CA5A: variants seen among roughly 807,000 people sequenced by gnomAD.
CA5A encodes the protein carbonic anhydrase 5A.
Under a neutral mutation model 37.1 loss-of-function variants are expected in CA5A, and 28 were observed. The ratio of observed to expected loss-of-function variants is 0.75; its 90% confidence interval spans 0.56 to 1.03. CA5A has a LOEUF of 1.03. Among genes scored for constraint, CA5A ranks in the 50% least tolerant of loss-of-function variants. CA5A has a pLI of 0.00. For synonymous variants in CA5A, 171 were observed against 158.4 expected (o/e 1.08, Z -0.60); for missense variants, 444 against 399.9 (o/e 1.11, Z -0.94).
chr16:87,893,068 T>C, intron 5 of CA5A: 1 of 1,017,000 alleles, frequency 9.8e-7, no homozygotes, highest in Non-Finnish European at 1.5e-6. Context: ...ATGCAGTCTC[T>C]CAAGCCCCGA....
intron 2 of CA5A, among the ~76,000 whole-genome samples, chr16:87,916,081 T>A (rs1488709452): frequency 6.8e-6 from 1 of 147,946 alleles, no homozygotes; most frequent in Non-Finnish European, 1.5e-5. Context: ...GGCAGGAGAA[T>A]GGCGTGAACC....
chr16:87,930,016 A>G (rs1207085894), intron 1 of CA5A, among the ~76,000 whole-genome samples: 2 of 152,142 alleles, frequency 1.3e-5, no homozygotes, highest in Admixed American at 6.6e-5. Context: ...AAAAAGCCCT[A>G]TGGGAGATAA....
At chr16:87,906,490 G>A (rs2055963411) in intron 2 of CA5A, among the ~76,000 whole-genome samples, 1 of 152,134 alleles carries the variant, frequency 6.6e-6, no homozygotes. Context: ...AGCTGGGTGT[G>A]GTGGCGGGTG....
chr16:87,894,750 G>C (rs1333023944), intron 5 of CA5A, among the ~76,000 whole-genome samples: 1 of 152,072 alleles, frequency 6.6e-6, no homozygotes, highest in East Asian at 1.9e-4. Context: ...ATGGTGGCAG[G>C]TGCCTGTCAT....
chr16:87,910,741 C>T (rs1384898809), intron 2 of CA5A, among the ~76,000 whole-genome samples: 1 of 151,736 alleles, frequency 6.6e-6, no homozygotes, highest in Non-Finnish European at 1.5e-5. Flanking sequence ...CCACACCCCA[C>T]TAATTTTTGT....
intron 5 of CA5A, among the ~76,000 whole-genome samples, chr16:87,894,351 GC>G (rs1415164610): frequency 1.3e-5 from 2 of 151,948 alleles, no homozygotes; most frequent in African/African-American, 2.4e-5. Context: ...TGGCCTCCCT[GC>G]TCAGCCACAT....
chr16:87,905,657 G>A (rs776351987), intron 2 of CA5A, among the ~76,000 whole-genome samples: 9 of 152,282 alleles, frequency 5.9e-5, no homozygotes, highest in Non-Finnish European at 1.2e-4. Flanking sequence ...CCGCTCCTGG[G>A]TGAGCAAGGT....
intron 2 of CA5A, among the ~76,000 whole-genome samples, chr16:87,926,408 G>A (rs374837309): frequency 3.3e-5 from 5 of 152,114 alleles, no homozygotes; most frequent in Admixed American, 1.3e-4. Context: ...TTCCTCTTCC[G>A]ACGCGCAAAG....
chr16:87,890,059 C>G (rs2055691427), intron 6 of CA5A, among the ~76,000 whole-genome samples: 1 of 152,246 alleles, frequency 6.6e-6, no homozygotes, highest in African/African-American at 2.4e-5. Context: ...CTTTCTCCTC[C>G]CCTGGAAAAC....
At chr16:87,892,185 C>G (rs2055727067) in intron 5 of CA5A, 2 of 435,596 alleles carry the variant, frequency 4.6e-6, no homozygotes, top group East Asian at 7.7e-5. Context: ...TTACATTACA[C>G]CAGCTTACGT....
chr16:87,900,844 C>A (rs1178929765), intron 5 of CA5A, among the ~76,000 whole-genome samples: 1 of 152,232 alleles, frequency 6.6e-6, no homozygotes, highest in African/African-American at 2.4e-5. Flanking sequence ...GTTTTTGTTT[C>A]AATCTGTTTT....
intron 5 of CA5A, among the ~76,000 whole-genome samples, chr16:87,896,826 G>C (rs1472440724): frequency 2.6e-5 from 4 of 152,192 alleles, no homozygotes; most frequent in Non-Finnish European, 5.9e-5. Context: ...TTTTAATAGA[G>C]ATGGGGTTTC....
Position 87,888,055 on chromosome 16 carries a change from C to T in CA5A, c.*74G>A. On this transcript the variant is annotated 3_prime_UTR_variant, in exon 7 of 7. Transcript: ENST00000649794. ...TTTAATTTCAGAAGTCATGTACAAT[C>T]ACATTGTGAAACTTGGGAAACAACG... 6.6e-7 allele frequency: 1 copy of T among 1,516,354 alleles called. No homozygotes were observed. Among genetic ancestry groups the T allele is most frequent in the Non-Finnish European group, 8.9e-7 (1 of 1,128,612 alleles). 93.9% of individuals were successfully genotyped at this position (1,516,354 alleles called of 1,614,324 possible). A position where few individuals can be genotyped will look rare whatever the true frequency, so the allele number is the denominator to read the frequency against.
intron 2 of CA5A, among the ~76,000 whole-genome samples, chr16:87,921,850 G>C (rs1453991389): frequency 1.4e-5 from 2 of 146,820 alleles, no homozygotes; most frequent in East Asian, 2.0e-4. Flanking sequence ...GTGTTCCTTT[G>C]TGTGTTATTG....
chr16:87,936,363 G>C lies in CA5A; in HGVS notation c.88C>G (p.Pro30Ala). 1 of 1,613,930 alleles carries C rather than the reference G, an allele frequency of 6.2e-7. No individual in the cohort carries two copies. The change falls in exon 1 of 7, where the codon CCA (proline) becomes GCA (alanine). Residue 30 changes from proline (P) to alanine (A), a missense_variant. Transcript: ENST00000649794. The stretch of plus-strand genomic sequence containing the variant: ...GAACGCTGAGAACACCATCGCCCTG[G>C]CCTCATCGAACGACTCCAGAGAGGG... The part of the protein sequence containing the change: ...WAPLWSRSMR[P>A]GRWCSQRSCA...
At chr16:87,892,974 ATGG>A in intron 5 of CA5A, 1 of 1,075,816 alleles carries the variant, frequency 9.3e-7, no homozygotes, top group Non-Finnish European at 1.4e-6. Context: ...GGAGGGAGTC[ATGG>A]TGGCCAAGAA....
chr16:87,891,468 A>AT (rs1242302024), intron 6 of CA5A, among the ~76,000 whole-genome samples: 3 of 97,676 alleles, frequency 3.1e-5, no homozygotes, highest in Non-Finnish European at 7.1e-5. Context: ...ACTCTGTCTC[A>AT]AAAAAAAAAA....
chr16:87,909,873 G>C (rs1186889527), intron 2 of CA5A, among the ~76,000 whole-genome samples: 1 of 152,158 alleles, frequency 6.6e-6, no homozygotes, highest in African/African-American at 2.4e-5. Flanking sequence ...TCAGGAGTGG[G>C]GTCTGGAGTC....
chr16:87,912,958 A>G (rs2056073814), intron 2 of CA5A, among the ~76,000 whole-genome samples: 1 of 150,824 alleles, frequency 6.6e-6, no homozygotes, highest in Admixed American at 6.6e-5. Flanking sequence ...GGCTAAAGGA[A>G]GTGGGGCCTT....
Sources: gnomAD v4.1 joint callset for allele counts (sites outside exome capture counted in the v4.1 genomes callset) on GRCh38, gnomAD v4.1.1 for gene constraint, MANE v1.5 for transcripts, NCBI Gene and HGNC (gene_info 2026-07-23, HGNC 2026-07-21) for gene names.